DNAH8: variants seen among roughly 807,000 people sequenced by gnomAD.
DNAH8 encodes the protein axonemal beta dynein heavy chain 8.
A neutral mutation model predicts 562.1 loss-of-function variants in DNAH8; 382 were observed. That is an observed-to-expected ratio of 0.68 (90% CI 0.63 to 0.74). DNAH8 has a LOEUF of 0.74. Ranked by LOEUF, DNAH8 falls within the 30% of genes least tolerant of loss-of-function variation. DNAH8 has a pLI of 0.00. For missense variants in DNAH8, 5,203 were observed against 5,620.4 expected, an observed-to-expected ratio of 0.93 and a Z score of 2.37; for synonymous variants, 1,881 against 1,919.4, an observed-to-expected ratio of 0.98 and a Z score of 0.52.
chr6:38,923,139 A>C lies in DNAH8; in HGVS notation c.10744A>C (p.Ile3582Leu). The change falls in exon 72 of 93, where the codon ATC (isoleucine) becomes CTC (leucine). Residue 3582 changes from isoleucine (I) to leucine (L), a missense_variant. Ile to Leu is a conservative substitution (Grantham distance 5, BLOSUM62 2). Coordinates refer to ENST00000327475, the MANE Select transcript of DNAH8 (RefSeq NM_001206927.2). ...CATCGATGGGCTGAGTGGAGAAAAA[A>C]TCCGGTGGACCCAGCAAAGTAAAGA... is the stretch of plus-strand genomic sequence containing the variant. ...TLIDGLSGEK[I>L]RWTQQSKEFK... 6.2e-7 allele frequency: 1 copy of C among 1,613,808 alleles called. No individual in the cohort carries two copies. The highest frequency in any genetic ancestry group is 8.5e-7 in the Non-Finnish European group (1 of 1,179,838).
intron 88 of DNAH8, among the ~76,000 whole-genome samples, chr6:39,005,771 G>A (rs533052004): frequency 1.3e-5 from 2 of 152,208 alleles, no homozygotes; most frequent in East Asian, 3.9e-4. Context: ...ATTTTCTTCT[G>A]GATTTCATTG....
intron 27 of DNAH8, 52 bp from the exon 28 acceptor site, chr6:38,823,510 G>A: frequency 7.2e-7 from 1 of 1,392,982 alleles, no homozygotes; most frequent in Non-Finnish European, 1.0e-6. Flanking sequence ...TGTAACTATG[G>A]TAAGATTTAT....
chr6:38,733,065 A>G (rs1412716459), intron 4 of DNAH8, among the ~76,000 whole-genome samples: 1 of 151,962 alleles, frequency 6.6e-6, no homozygotes, highest in Non-Finnish European at 1.5e-5. Context: ...ATTTTTAAAA[A>G]TTATTTTGTA....
rs1014263181 is a variant in DNAH8, at chr6:38,945,606, T to C, written c.12129+18T>C. The C allele has an allele frequency of 6.2e-7, 1 of 1,613,312 alleles. No homozygotes were observed. The highest frequency in any genetic ancestry group is 1.3e-5 in the African/African-American group (1 of 74,908). On this transcript the variant is annotated intron_variant, in intron 80 of 92. Coordinates refer to ENST00000327475, the MANE Select transcript of DNAH8 (RefSeq NM_001206927.2). ...TGAACCAGGTAATACAATAAAGGGCTGGTTGAAAGTGCAGATCTGCAAACC... is the reference window on the plus strand; with the variant it reads ...TGAACCAGGTAATACAATAAAGGGCCGGTTGAAAGTGCAGATCTGCAAACC...
chr6:38,718,844 T>G (rs371920561), intron 1 of DNAH8, among the ~76,000 whole-genome samples: 2 of 152,268 alleles, frequency 1.3e-5, no homozygotes, highest in African/African-American at 4.8e-5. Flanking sequence ...TGATATGATG[T>G]CGTTCTAAAC....
intron 85 of DNAH8, among the ~76,000 whole-genome samples, chr6:38,976,724 G>A (rs748258272): frequency 7.2e-5 from 11 of 152,158 alleles, no homozygotes; most frequent in Non-Finnish European, 1.2e-4. Flanking sequence ...TGTGACTTAC[G>A]TTTCTTTTCT....
chr6:38,753,421 G>GCAAA (rs918026726), intron 9 of DNAH8, among the ~76,000 whole-genome samples: 11 of 152,148 alleles, frequency 7.2e-5, no homozygotes, highest in African/African-American at 1.2e-4. Flanking sequence ...ATTTGAAGAT[G>GCAAA]CAAATATGAA....
At chr6:38,812,295 C>A (rs1235878407) in intron 24 of DNAH8, among the ~76,000 whole-genome samples, 1 of 152,100 alleles carries the variant, frequency 6.6e-6, no homozygotes, top group Non-Finnish European at 1.5e-5. Context: ...ATTCTCATGT[C>A]CTTTATCTCC....
At chr6:38,793,502 G>A (rs1769946499) in intron 21 of DNAH8, among the ~76,000 whole-genome samples, 2 of 151,824 alleles carry the variant, frequency 1.3e-5, no homozygotes, top group African/African-American at 4.8e-5. Context: ...TCCATTTTAT[G>A]ACTTTCGTCC....
chr6:38,950,098 A>C (rs1374773312), intron 81 of DNAH8, among the ~76,000 whole-genome samples: 1 of 152,158 alleles, frequency 6.6e-6, no homozygotes, highest in Non-Finnish European at 1.5e-5. Context: ...GTTAAAGAAG[A>C]AAATCGCCCT....
At chr6:38,870,914 T>G (rs1583230891) in intron 49 of DNAH8, among the ~76,000 whole-genome samples, 1 of 152,130 alleles carries the variant, frequency 6.6e-6, no homozygotes, top group Non-Finnish European at 1.5e-5. Flanking sequence ...CTCAGTGGAG[T>G]GCAGAGCCTG....
chr6:38,958,318 A>G (rs1026860146), intron 82 of DNAH8, among the ~76,000 whole-genome samples: 1 of 151,960 alleles, frequency 6.6e-6, no homozygotes, highest in African/African-American at 2.4e-5. Flanking sequence ...AGAAATTTTT[A>G]AAAGTACAAA....
intron 10 of DNAH8, among the ~76,000 whole-genome samples, chr6:38,759,334 C>CAAAT (rs1458515977): frequency 1.1e-4 from 17 of 151,924 alleles, no homozygotes; most frequent in African/African-American, 3.4e-4. Flanking sequence ...AACAAACAAA[C>CAAAT]AAACAAACCA....
chr6:39,008,915 A>G lies in DNAH8; in HGVS notation c.13316A>G (p.Tyr4439Cys), dbSNP rs757704087. Residue 4439 changes from tyrosine (Y) to cysteine (C), a missense_variant, in exon 89 of 93, where the codon TAT (tyrosine) becomes TGT (cysteine). Around this residue, in one of 6 missense-constraint regions of DNAH8, gnomAD observed 1,399 missense variants for 1,518.4 expected, o/e 0.92. Transcript: ENST00000327475. ...GGAGAGACCCGGGAGGCTATTGTTTATAGATTATCTGAAGATATGCTGAGT... is the reference window on the plus strand; with the variant it reads ...GGAGAGACCCGGGAGGCTATTGTTTGTAGATTATCTGAAGATATGCTGAGT... Reference protein sequence around the residue: ...GVGETREAIVYRLSEDMLSKL... With the variant: ...GVGETREAIVCRLSEDMLSKL... 6.2e-7 allele frequency: 1 copy of G among 1,610,816 alleles called. No homozygotes were observed. Among genetic ancestry groups the G allele is most frequent in the Non-Finnish European group, 8.5e-7 (1 of 1,177,094 alleles).
In DNAH8 at chr6:38,784,346, C is replaced by T. The variant is rs16891058; in HGVS notation, c.2395+1207C>T. Among the ~76,000 whole-genome samples the T allele has an allele frequency of 0.011, 1,603 of 152,282 alleles. 79 individuals carry two copies. The East Asian group carries it at 0.14, about 14-fold the overall frequency. ...GTTTTGTTTTGGTTCTACAATGCCG[C>T]GCACTTAATTTTCTTTTTCTCCTGG... On this transcript the variant is annotated intron_variant, in intron 17 of 92. Coordinates refer to ENST00000327475, the MANE Select transcript of DNAH8 (RefSeq NM_001206927.2).
At chr6:38,840,744 T>G (rs1438162727) in intron 33 of DNAH8, among the ~76,000 whole-genome samples, 1 of 152,190 alleles carries the variant, frequency 6.6e-6, no homozygotes, top group Non-Finnish European at 1.5e-5. Flanking sequence ...AAATGAAAAA[T>G]TCTGAATTCT....
chr6:39,027,139 G>A (rs368910809), intron 92 of DNAH8, among the ~76,000 whole-genome samples: 14 of 152,352 alleles, frequency 9.2e-5, no homozygotes, highest in African/African-American at 3.4e-4. Context: ...GGAGGATGAG[G>A]TGGGAGGATT....
intron 61 of DNAH8, among the ~76,000 whole-genome samples, chr6:38,898,750 A>T (rs774146019): frequency 5.9e-5 from 9 of 152,150 alleles, no homozygotes; most frequent in Middle Eastern, 6.3e-3. Context: ...GGAGGAAAAG[A>T]TGTTGCTTTT....
intron 88 of DNAH8, among the ~76,000 whole-genome samples, chr6:38,992,554 T>C (rs1480823449): frequency 1.3e-5 from 2 of 152,196 alleles, no homozygotes; most frequent in African/African-American, 4.8e-5. Flanking sequence ...AATTTGTGAC[T>C]GAAAATGTTC....
Sources: gnomAD v4.1 joint callset for allele counts (sites outside exome capture counted in the v4.1 genomes callset) on GRCh38, gnomAD v4.1.1 for gene constraint, gnomAD v4.1.1 regional missense constraint, MANE v1.5 for transcripts, NCBI Gene and HGNC (gene_info 2026-07-23, HGNC 2026-07-21) for gene names.